KPNA5: variants seen among roughly 807,000 people sequenced by gnomAD.
The protein encoded by KPNA5 is importin subunit alpha-6.
KPNA5 carries 46 observed loss-of-function variants against 71.3 expected under a neutral mutation model. The ratio of observed to expected loss-of-function variants is 0.65; its 90% CI spans 0.51 to 0.83. The LOEUF is 0.83. KPNA5 is among the 40% of genes least tolerant of loss of function. The probability of loss-of-function intolerance (pLI) is 0.00; values close to 1 mark genes in which losing one functional copy is unlikely to be tolerated. For missense variants in KPNA5, 547 were observed against 628.3 expected, an observed-to-expected ratio of 0.87 and a Z score of 1.38; for synonymous variants, 207 against 201.4, an observed-to-expected ratio of 1.03 and a Z score of -0.24.
intron 2 of KPNA5, among the ~76,000 whole-genome samples, chr6:116,689,998 A>AAGTAAGTAAGT (rs1554254731): frequency 6.6e-6 from 1 of 152,272 alleles, no homozygotes; most frequent in Non-Finnish European, 1.5e-5. Context: ...GTAAGTAAGT[A>AAGTAAGTAAGT]AAATAATGTG....
At position 116,737,624 on chromosome 6, in the gene KPNA5, C is replaced by A. The variant is rs1352210225; in HGVS notation, c.*5301C>A. 2 of 151,986 alleles carry A rather than the reference C, an allele frequency of 1.3e-5. No individual in the cohort carries two copies. Among genetic ancestry groups the A allele is most frequent in the Non-Finnish European group, 2.9e-5 (2 of 67,944 alleles). The allele number at this position is 151,986 out of a possible 1,614,324, so 9.4% of individuals were successfully genotyped here. A position where few individuals can be genotyped will look rare whatever the true frequency, so the allele number is the denominator to read the frequency against. On this transcript the variant is annotated 3_prime_UTR_variant, in exon 14 of 14. Coordinates refer to ENST00000368564, the MANE Select transcript of KPNA5 (RefSeq NM_001366306.2). ...CTCAACTAGTTTGTTTCCTCTGTTT[C>A]ATAGATCACGGTTCCTCATTATCTG...
intron 1 of KPNA5, among the ~76,000 whole-genome samples, chr6:116,682,202 G>T (rs996791462): frequency 6.6e-6 from 1 of 152,098 alleles, no homozygotes; most frequent in Non-Finnish European, 1.5e-5. Context: ...GGTGGTGGGC[G>T]CCTGTAGTCC....
chr6:116,701,946 C>T, intron 5 of KPNA5, 73 bp from the exon 6 acceptor site: 3 of 1,421,564 alleles, frequency 2.1e-6, no homozygotes, highest in African/African-American at 1.4e-5. Context: ...GTCTTTACTC[C>T]CTCTCTTTCC....
intron 11 of KPNA5, 103 bp downstream of exon 11, chr6:116,725,979 C>G: frequency 7.7e-7 from 1 of 1,302,700 alleles, no homozygotes; most frequent in Non-Finnish European, 1.0e-6. Context: ...TAAAAAGATA[C>G]CGAAAAAGTA....
intron 4 of KPNA5, among the ~76,000 whole-genome samples, chr6:116,696,418 T>G (rs1778031473): frequency 6.6e-6 from 1 of 152,192 alleles, no homozygotes; most frequent in Non-Finnish European, 1.5e-5. Flanking sequence ...TTGCCTCTTT[T>G]GCAGGCATTT....
chr6:116,716,175 A>G (rs1383575311), intron 7 of KPNA5, 44 bp from the exon 8 acceptor site: 4 of 1,443,896 alleles, frequency 2.8e-6, no homozygotes, highest in African/African-American at 2.8e-5. Context: ...AAAGAGGAAA[A>G]ATGAATGTAA....
intron 2 of KPNA5, among the ~76,000 whole-genome samples, chr6:116,691,844 T>A (rs573236230): frequency 1.3e-4 from 20 of 152,364 alleles, no homozygotes; most frequent in Middle Eastern, 3.4e-3. Context: ...TGAAGTAGTC[T>A]GTGCAGCCAA....
At chr6:116,711,873 G>A (rs1329433673) in intron 7 of KPNA5, among the ~76,000 whole-genome samples, 1 of 152,078 alleles carries the variant, frequency 6.6e-6, no homozygotes, top group Non-Finnish European at 1.5e-5. Flanking sequence ...CACCTGCCTT[G>A]GTCTCCCGAA....
chr6:116,696,540 A>T (rs1360475930), intron 4 of KPNA5, among the ~76,000 whole-genome samples: 1 of 152,118 alleles, frequency 6.6e-6, no homozygotes, highest in Non-Finnish European at 1.5e-5. Flanking sequence ...TAAGTCTGCG[A>T]CGGTGACCTT....
intron 1 of KPNA5, 110 bp downstream of exon 1, chr6:116,681,448 T>G: frequency 7.0e-7 from 1 of 1,436,938 alleles, no homozygotes; most frequent in Non-Finnish European, 9.1e-7. Flanking sequence ...TTTGCGAAGG[T>G]CTCTGGAACC....
rs947334198 is a variant in KPNA5 at position 116,739,446 on chromosome 6, G to T, written c.*7123G>T. 5 of 152,068 alleles carry T rather than the reference G, an allele frequency of 3.3e-5. No homozygotes were observed. Among genetic ancestry groups the T allele is most frequent in the Non-Finnish European group, 7.4e-5 (5 of 67,998 alleles). 9.4% of individuals were successfully genotyped at this position (152,068 alleles called of 1,614,324 possible). ...GCCCAAGGTAATTTATAGATTCAAT[G>T]CCATCCCCATCAAGCTACCAATGCC... On this transcript the variant is annotated 3_prime_UTR_variant, in exon 14 of 14. Coordinates refer to ENST00000368564, the MANE Select transcript of KPNA5 (RefSeq NM_001366306.2).
At chr6:116,704,249 G>A (rs1197567084) in intron 6 of KPNA5, among the ~76,000 whole-genome samples, 1 of 152,112 alleles carries the variant, frequency 6.6e-6, no homozygotes, top group African/African-American at 2.4e-5. Flanking sequence ...ATGTTGGCCA[G>A]GCTGGTCGCA....
At chr6:116,713,986 C>A (rs1339005700) in intron 7 of KPNA5, among the ~76,000 whole-genome samples, 1 of 152,006 alleles carries the variant, frequency 6.6e-6, no homozygotes, top group Admixed American at 6.6e-5. Context: ...CTCTTTTGAA[C>A]ATGTTAGACA....
intron 7 of KPNA5, among the ~76,000 whole-genome samples, chr6:116,711,454 AT>A (rs894772150): frequency 5.4e-5 from 8 of 148,022 alleles, no homozygotes; most frequent in Admixed American, 4.0e-4. Flanking sequence ...ACAACTATAA[AT>A]TTTTTTCTGA....
At chr6:116,722,709 AT>A (rs1355721990) in intron 9 of KPNA5, among the ~76,000 whole-genome samples, 1 of 152,122 alleles carries the variant, frequency 6.6e-6, no homozygotes, top group African/African-American at 2.4e-5. Flanking sequence ...ATCATTTAGT[AT>A]TTCACCTCTA....
At chr6:116,708,861 C>T (rs1175565432) in intron 7 of KPNA5, among the ~76,000 whole-genome samples, 2 of 152,186 alleles carry the variant, frequency 1.3e-5, no homozygotes, top group Non-Finnish European at 2.9e-5. Context: ...TCTTGGCTTA[C>T]TGCAGTCTGT....
chr6:116,705,208 A>G, intron 7 of KPNA5, 48 bp downstream of exon 7: 7 of 1,340,222 alleles, frequency 5.2e-6, no homozygotes, highest in Non-Finnish European at 7.4e-6. Flanking sequence ...TATATACTCC[A>G]TGATATTCTA....
intron 4 of KPNA5, among the ~76,000 whole-genome samples, chr6:116,693,907 T>A (rs1462529023): frequency 2.0e-5 from 3 of 152,136 alleles, no homozygotes; most frequent in Non-Finnish European, 2.9e-5. Flanking sequence ...TTGAATTAAT[T>A]TTTGTATAAG....
Position 116,726,476 on chromosome 6 carries a change from A to G in KPNA5, c.1126-19A>G, listed in dbSNP as rs1287722676. ...TAGAAACAGTATTTGTACTGATTAT[A>G]TATTTTTCCCCCTCTCAGGCTGTTA... On this transcript the variant is annotated intron_variant, in intron 11 of 13. Transcript: ENST00000368564. 3 of 1,599,410 alleles carry G rather than the reference A, an allele frequency of 1.9e-6. No individual in the cohort carries two copies. Among genetic ancestry groups the G allele is most frequent in the South Asian group, 2.2e-5 (2 of 89,562 alleles).
Sources: gnomAD v4.1 joint callset for allele counts (sites outside exome capture counted in the v4.1 genomes callset) on GRCh38, gnomAD v4.1.1 for gene constraint, MANE v1.5 for transcripts, NCBI Gene and HGNC (gene_info 2026-07-23, HGNC 2026-07-21) for gene names.